The following THSD7A variants were observed in gnomAD, a reference collection of about 807,000 sequenced individuals.
The protein encoded by THSD7A is thrombospondin type-1 domain-containing protein 7A.
A neutral mutation model predicts 231.3 loss-of-function variants in THSD7A; 96 were observed. The ratio of observed to expected loss-of-function variants is 0.41; its 90% confidence interval spans 0.35 to 0.49. THSD7A has a LOEUF of 0.49. Among genes scored for constraint, THSD7A ranks in the 20% least tolerant of loss-of-function variants. THSD7A has a pLI of 0.05. For missense variants in THSD7A, 2,290 were observed against 2,070.2 expected, an observed-to-expected ratio of 1.11 and a Z score of -2.06; for synonymous variants, 940 against 743.3, an observed-to-expected ratio of 1.26 and a Z score of -4.30.
rs565909680 is a variant in THSD7A at position 11,490,703 on chromosome 7, T to C, written c.1823-8721A>G. On this transcript the variant is annotated intron_variant, in intron 6 of 27. Coordinates refer to ENST00000423059, the MANE Select transcript of THSD7A (RefSeq NM_015204.3). ...CTTGTGATTTCATTCCTCTCAGTTG[T>C]TTTTAAGCTTGAAATGACCTAAAAT... Among the ~76,000 whole-genome samples the C allele has an allele frequency of 2.0e-5, 3 of 152,200 alleles. No individual in the cohort carries two copies. The South Asian group carries it at 6.2e-4, about 32-fold the overall frequency.
chr7:11,396,802 C>A lies in THSD7A; in HGVS notation c.4411+4993G>T, dbSNP rs369993532. Among the ~76,000 whole-genome samples the A allele has an allele frequency of 4.6e-5, 7 of 152,290 alleles. No individual in the cohort carries two copies. The East Asian group carries it at 7.7e-4, about 17-fold the overall frequency. ...TTATGAGGCCACCATCATCCCGATACCAAAACCTGGCAGATACACAATAAA... is the reference window on the plus strand; with the variant it reads ...TTATGAGGCCACCATCATCCCGATAACAAAACCTGGCAGATACACAATAAA... On this transcript the variant is annotated intron_variant, in intron 23 of 27. Transcript: ENST00000423059.
At position 11,544,167 on chromosome 7, in the gene THSD7A, C is replaced by T. The variant is rs576445124; in HGVS notation, c.1454-1050G>A. On this transcript the variant is annotated intron_variant, in intron 4 of 27. Coordinates refer to ENST00000423059, the MANE Select transcript of THSD7A (RefSeq NM_015204.3). The stretch of plus-strand genomic sequence containing the variant: ...GACCATCCAGGCCAGCATGGTGAAA[C>T]CCCGTCTCTACTAAAAATACAAAAA... 2.3e-4 allele frequency among the ~76,000 whole-genome samples: 35 copies of T among 152,164 alleles called. No homozygotes were observed. The South Asian group carries it at 4.8e-3, about 21-fold the overall frequency.
chr7:11,524,049 G>C (rs149544716), intron 6 of THSD7A, among the ~76,000 whole-genome samples: 1 of 152,092 alleles, frequency 6.6e-6, no homozygotes, highest in Non-Finnish European at 1.5e-5. Flanking sequence ...GTGCTTTTAG[G>C]TTCTTTTTAT....
In THSD7A at chr7:11,446,385, T is replaced by C. The variant is rs1346990048; in HGVS notation, c.2801-61A>G. Reference sequence around the variant, plus strand: ...AAAATACCATCATTAATTTCACACATCCCTAAATTTTCTGCTTTCCTAATT... The same window carrying C: ...AAAATACCATCATTAATTTCACACACCCCTAAATTTTCTGCTTTCCTAATT... On this transcript the variant is annotated intron_variant, in intron 12 of 27. Transcript: ENST00000423059. This position sits in a 1 kb window ranked among gnomAD's most constrained non-coding sequence, Gnocchi z 4.0. 8.5e-6 allele frequency: 13 copies of C among 1,521,754 alleles called. 1 individual carries two copies. Among genetic ancestry groups the C allele is most frequent in the Non-Finnish European group, 1.1e-5 (13 of 1,134,702 alleles). 94.3% of individuals were successfully genotyped at this position (1,521,754 alleles called of 1,614,324 possible).
chr7:11,535,533 T>C (rs12699204), intron 6 of THSD7A, among the ~76,000 whole-genome samples: 40,451 of 151,282 alleles, frequency 0.27, 6,517 homozygotes, highest in Non-Finnish European at 0.37. Context: ...CTACCAATAG[T>C]TTTAGACGAT....
At chr7:11,820,998 T>C in intron 1 of THSD7A, 1 of 1,040,698 alleles carries the variant, frequency 9.6e-7, no homozygotes, top group Non-Finnish European at 1.4e-6. Context: ...ATCTCTGTAT[T>C]TTCCCTCAGC....
rs539591095 is a variant in THSD7A, at chr7:11,432,926, G to A, written c.3065-3801C>T. Among the ~76,000 whole-genome samples, 3 of 152,006 alleles carry A rather than the reference G, an allele frequency of 2.0e-5. No individual in the cohort carries two copies. In the East Asian group the frequency reaches 5.8e-4, roughly 29 times the overall value. On this transcript the variant is annotated intron_variant, in intron 13 of 27. Transcript: ENST00000423059. ...TTTAAAAAATGGGATCACAAATTTG[G>A]CATGAAGATTAGGATACAATGAAAA...
At chr7:11,432,609 A>G (rs2128290832) in intron 13 of THSD7A, among the ~76,000 whole-genome samples, 1 of 152,224 alleles carries the variant, frequency 6.6e-6, no homozygotes, top group South Asian at 2.1e-4. Context: ...ACATTGTGAT[A>G]TGCGTTTTAT....
At chr7:11,662,257 A>C (rs1339560429) in intron 1 of THSD7A, among the ~76,000 whole-genome samples, 4 of 151,218 alleles carry the variant, frequency 2.6e-5, no homozygotes, top group Non-Finnish European at 3.0e-5. Context: ...ATATATTAAT[A>C]TCAAAGTATA....
chr7:11,429,884 C>A (rs1784428547), intron 13 of THSD7A, among the ~76,000 whole-genome samples: 1 of 152,176 alleles, frequency 6.6e-6, no homozygotes. Context: ...ATCATCCAAC[C>A]AATTCGATTA....
intron 1 of THSD7A, among the ~76,000 whole-genome samples, chr7:11,747,025 GAT>G (rs912617013): frequency 2.0e-5 from 3 of 151,790 alleles, no homozygotes; most frequent in Non-Finnish European, 2.9e-5. Flanking sequence ...AAGTTATTTT[GAT>G]AGTCTCATCA....
chr7:11,723,743 A>G (rs1427020465), intron 1 of THSD7A, among the ~76,000 whole-genome samples: 1 of 151,922 alleles, frequency 6.6e-6, no homozygotes, highest in Admixed American at 6.6e-5. Flanking sequence ...GCAAGTTCAA[A>G]GGTTCTGAAA....
At chr7:11,456,542 C>T (rs1020716675) in intron 11 of THSD7A, among the ~76,000 whole-genome samples, 2 of 151,972 alleles carry the variant, frequency 1.3e-5, no homozygotes, top group African/African-American at 2.4e-5. Flanking sequence ...ATTTTCTGAT[C>T]CTATTGGGTA....
At chr7:11,755,835 T>A (rs1782656183) in intron 1 of THSD7A, among the ~76,000 whole-genome samples, 1 of 152,078 alleles carries the variant, frequency 6.6e-6, no homozygotes, top group Non-Finnish European at 1.5e-5. Context: ...CTAGATGTAT[T>A]CACTTAAATA....
In THSD7A at chr7:11,748,859, G is replaced by C. The variant is rs964391140; in HGVS notation, c.190+82898C>G. ...CTCTTTGGAGTCGCACGTTGTTATA[G>C]TAAAATAAATCATAATACTTTGTTA... On this transcript the variant is annotated intron_variant, in intron 1 of 27. Coordinates refer to ENST00000423059, the MANE Select transcript of THSD7A (RefSeq NM_015204.3). 5.3e-5 allele frequency among the ~76,000 whole-genome samples: 8 copies of C among 152,034 alleles called. No homozygotes were observed. The South Asian group carries it at 1.7e-3, about 32-fold the overall frequency.
intron 4 of THSD7A, among the ~76,000 whole-genome samples, chr7:11,559,142 T>A (rs1756683784): frequency 6.6e-6 from 1 of 152,080 alleles, no homozygotes; most frequent in Admixed American, 6.5e-5. Flanking sequence ...GTCTTTGAAC[T>A]CGAAGGAACT....
chr7:11,563,166 A>G (rs924225146), intron 4 of THSD7A, among the ~76,000 whole-genome samples: 1 of 151,154 alleles, frequency 6.6e-6, no homozygotes, highest in Non-Finnish European at 1.5e-5. Flanking sequence ...CAGCCTGGTT[A>G]ATATAATGGT....
intron 1 of THSD7A, among the ~76,000 whole-genome samples, chr7:11,669,062 T>C (rs533511141): frequency 2.9e-4 from 44 of 152,306 alleles, no homozygotes; most frequent in Non-Finnish European, 3.7e-4. Flanking sequence ...TTACTTAGTA[T>C]TTCTATTTCC....
intron 6 of THSD7A, among the ~76,000 whole-genome samples, chr7:11,511,708 T>G (rs1787816711): frequency 6.6e-6 from 1 of 152,180 alleles, no homozygotes; most frequent in South Asian, 2.1e-4. Flanking sequence ...TAATAAATGG[T>G]GCTGGGAAAA....
Sources: allele counts gnomAD v4.1 joint callset (sites outside exome capture counted in the v4.1 genomes callset), GRCh38; gene constraint gnomAD v4.1.1; non-coding constraint Gnocchi (gnomAD v3.1); transcripts MANE v1.5; gene names NCBI Gene and HGNC (gene_info 2026-07-23, HGNC 2026-07-21).